The following CCNC variants were observed in gnomAD, a reference collection of about 807,000 sequenced individuals.
CCNC encodes cyclin C, also known as cyclin-C.
A neutral mutation model predicts 50.0 loss-of-function variants in CCNC; 19 were observed. That is an observed-to-expected ratio of 0.38 (90% CI 0.27 to 0.56). CCNC has a LOEUF of 0.56. Ranked by LOEUF, CCNC falls within the 20% of genes least tolerant of loss-of-function variation. The pLI is 0.72. For synonymous variants in CCNC, 93 were observed against 103.7 expected (o/e 0.90, Z 0.63); for missense variants, 200 against 327.1 (o/e 0.61, Z 3.00).
At chr6:99,547,663 G>A (rs1802122389) in intron 9 of CCNC, among the ~76,000 whole-genome samples, 1 of 152,182 alleles carries the variant, frequency 6.6e-6, no homozygotes, top group South Asian at 2.1e-4. Flanking sequence ...CTACCCACTA[G>A]ATGCTAGTAG....
At chr6:99,564,285 C>T (rs1290708988) in intron 1 of CCNC, among the ~76,000 whole-genome samples, 1 of 151,942 alleles carries the variant, frequency 6.6e-6, no homozygotes, top group African/African-American at 2.4e-5. Flanking sequence ...ATTAGCTGGA[C>T]GTGGTGGCGT....
At chr6:99,565,561 A>G (rs1050121093) in intron 1 of CCNC, among the ~76,000 whole-genome samples, 8 of 151,792 alleles carry the variant, frequency 5.3e-5, no homozygotes, top group Non-Finnish European at 7.4e-5. Flanking sequence ...CATTCTTTCT[A>G]TATCTCCTTT....
In CCNC at chr6:99,562,855, T is replaced by C; in HGVS notation, c.126A>G (p.Ile42Met). The change falls in exon 2 of 12, where the codon ATA becomes ATG. Residue 42 changes from isoleucine (I) to methionine (M), a missense_variant. By Grantham distance (10) the Ile-to-Met change is conservative. Transcript: ENST00000520429. ...LSEEEYWKLQ[I>M]FFTNVIQALG... Reference sequence around the variant, plus strand: ...AAAAAAGTTTACCATTTGTAAAAAATATTTGTAACTTCCAATATTCTTCCT... The same window carrying C: ...AAAAAAGTTTACCATTTGTAAAAAACATTTGTAACTTCCAATATTCTTCCT... 1 of 1,582,910 alleles carries C rather than the reference T, an allele frequency of 6.3e-7. No homozygotes were observed. The highest frequency in any genetic ancestry group is 8.6e-7 in the Non-Finnish European group (1 of 1,160,366).
intron 11 of CCNC, chr6:99,544,067 TAAATACAGC>T: frequency 7.7e-7 from 1 of 1,291,420 alleles, no homozygotes; most frequent in Admixed American, 3.5e-5. Flanking sequence ...AAATCATATA[TAAATACAGC>T]AAACCTTTAT....
Position 99,562,824 on chromosome 6 carries a change from A to G in CCNC, c.139+18T>C, listed in dbSNP as rs1182807246. ...GTAACCAACTATACAATTTGAACCA[A>G]TTTTTAAAAAAGTTTACCATTTGTA... On this transcript the variant is annotated intron_variant, in intron 2 of 11. Transcript: ENST00000520429. 6.9e-7 allele frequency: 1 copy of G among 1,439,022 alleles called. No individual in the cohort carries two copies. Among genetic ancestry groups the G allele is most frequent in the Admixed American group, 1.9e-5 (1 of 52,406 alleles). The allele number at this position is 1,439,022 out of a possible 1,614,324, so 89.1% of individuals were successfully genotyped here.
intron 4 of CCNC, among the ~76,000 whole-genome samples, chr6:99,560,404 T>C (rs1162287747): frequency 6.6e-6 from 1 of 152,172 alleles, no homozygotes; most frequent in African/African-American, 2.4e-5. Context: ...TGTCATTATT[T>C]AGGTAACAGT....
At chr6:99,549,766 A>T in intron 8 of CCNC, 191 bp from the exon 9 acceptor site, 1 of 430,216 alleles carries the variant, frequency 2.3e-6, no homozygotes, top group East Asian at 3.4e-5. Flanking sequence ...AAATAAGCAC[A>T]TATCAATGAA....
intron 11 of CCNC, 129 bp from the exon 12 acceptor site, chr6:99,543,738 A>G: frequency 2.7e-6 from 4 of 1,460,372 alleles, no homozygotes; most frequent in Non-Finnish European, 3.6e-6. Context: ...ATTCCTCATT[A>G]TAAGACACGT....
At chr6:99,553,439 C>T (rs559074249) in intron 5 of CCNC, among the ~76,000 whole-genome samples, 1 of 152,314 alleles carries the variant, frequency 6.6e-6, no homozygotes, top group South Asian at 2.1e-4. Flanking sequence ...TCTGTTACTC[C>T]ATGCTAAAAC....
In CCNC at chr6:99,562,959, C is replaced by T. The variant is rs370929898; in HGVS notation, c.33-11G>A. 4.4e-4 allele frequency: 671 copies of T among 1,525,080 alleles called. No individual in the cohort carries two copies. The highest frequency in any genetic ancestry group is 5.8e-4 in the Non-Finnish European group (643 of 1,108,714). 94.5% of individuals were successfully genotyped at this position (1,525,080 alleles called of 1,614,324 possible). A position where few individuals can be genotyped will look rare whatever the true frequency, so the allele number is the denominator to read the frequency against. On this transcript the variant is annotated splice_polypyrimidine_tract_variant and intron_variant, in intron 1 of 11. Transcript: ENST00000520429. ...AAAATCCATTGCAAACTAGAAAAGA[C>T]ATGTTACAGAAAATCAACAAGCAAG...
At chr6:99,548,185 T>C (rs1802147394) in intron 9 of CCNC, among the ~76,000 whole-genome samples, 2 of 152,104 alleles carry the variant, frequency 1.3e-5, no homozygotes, top group Non-Finnish European at 2.9e-5. Flanking sequence ...TGTTTCGGCA[T>C]GTAAGTGATA....
chr6:99,553,542 A>G lies in CCNC; in HGVS notation c.347-1647T>C, dbSNP rs182221951. Among the ~76,000 whole-genome samples the G allele has an allele frequency of 1.4e-3, 218 of 152,222 alleles. 4 individuals are homozygous for G. The highest frequency in any genetic ancestry group is 2.6e-4 in the Non-Finnish European group (18 of 67,990). On this transcript the variant is annotated intron_variant, in intron 5 of 11. Transcript: ENST00000520429. The stretch of plus-strand genomic sequence containing the variant: ...CTATTGTTTGTCTTACCACTTATAC[A>G]CTTATTATCATCTATTCAATTGATA...
At chr6:99,559,946 C>G (rs1258111638) in intron 4 of CCNC, among the ~76,000 whole-genome samples, 1 of 151,954 alleles carries the variant, frequency 6.6e-6, no homozygotes, top group Non-Finnish European at 1.5e-5. Context: ...TCTCAAACTC[C>G]TGACCTCAGG....
intron 5 of CCNC, among the ~76,000 whole-genome samples, 168 bp from the exon 6 acceptor site, chr6:99,552,063 G>C (rs1403968450): frequency 6.6e-6 from 1 of 151,972 alleles, no homozygotes; most frequent in Non-Finnish European, 1.5e-5. Flanking sequence ...GAAGGGGAAA[G>C]ACTGGGGGGC....
rs547258721 is a variant in CCNC, at chr6:99,542,593, C to T, written c.*962G>A. 3.9e-5 allele frequency: 6 copies of T among 152,692 alleles called. No homozygotes were observed. In the South Asian group the frequency reaches 1.2e-3, roughly 32 times the overall value. 9.5% of individuals were successfully genotyped at this position (152,692 alleles called of 1,614,324 possible). A position where few individuals can be genotyped will look rare whatever the true frequency, so the allele number is the denominator to read the frequency against. ...TCCACAGACAGTACAGTCCCACTGA[C>T]ATAACATTTAGTATGATGTCCTACT... On this transcript the variant is annotated 3_prime_UTR_variant, in exon 12 of 12. Coordinates refer to ENST00000520429, the MANE Select transcript of CCNC (RefSeq NM_005190.4).
intron 1 of CCNC, among the ~76,000 whole-genome samples, chr6:99,564,298 G>A (rs1769012756): frequency 6.6e-6 from 1 of 151,800 alleles, no homozygotes; most frequent in African/African-American, 2.4e-5. Context: ...GGTGGCGTGC[G>A]CCTGTAGTCC....
intron 11 of CCNC, 139 bp from the exon 12 acceptor site, chr6:99,543,748 T>C: frequency 1.4e-6 from 2 of 1,436,430 alleles, no homozygotes; most frequent in South Asian, 1.5e-5. Context: ...ATAAGACACG[T>C]GAAAAATTAA....
In CCNC at chr6:99,542,858, A is replaced by G. The variant is rs1801934062; in HGVS notation, c.*697T>C. 1.3e-5 allele frequency: 2 copies of G among 152,626 alleles called. No homozygotes were observed. Among genetic ancestry groups the G allele is most frequent in the East Asian group, 1.9e-4 (1 of 5,208 alleles). The allele number at this position is 152,626 out of a possible 1,614,324, so 9.5% of individuals were successfully genotyped here. A position where few individuals can be genotyped will look rare whatever the true frequency, so the allele number is the denominator to read the frequency against. ...AAAATGCCTGATTAGCTGTGAATTA[A>G]TTATAAATAACTTCATGTAGTTTGC... is the stretch of plus-strand genomic sequence containing the variant. On this transcript the variant is annotated 3_prime_UTR_variant, in exon 12 of 12. Coordinates refer to ENST00000520429, the MANE Select transcript of CCNC (RefSeq NM_005190.4).
At chr6:99,561,841 G>C (rs1802794230) in intron 2 of CCNC, 160 bp from the exon 3 acceptor site, 1 of 487,086 alleles carries the variant, frequency 2.1e-6, no homozygotes, top group African/African-American at 2.0e-5. Flanking sequence ...TCTAATTCTA[G>C]GATTTGCAAA....
Sources: allele counts gnomAD v4.1 joint callset (sites outside exome capture counted in the v4.1 genomes callset), GRCh38; gene constraint gnomAD v4.1.1; transcripts MANE v1.5; gene names NCBI Gene and HGNC (gene_info 2026-07-23, HGNC 2026-07-21).